The following CHCHD3 variants were observed in gnomAD, a reference collection of about 807,000 sequenced individuals.
CHCHD3 encodes MICOS complex subunit MIC19.
CHCHD3 carries 20 observed loss-of-function variants against 38.2 expected under a neutral mutation model. The observed-to-expected ratio is 0.52, with a 90% CI of 0.37 to 0.76. CHCHD3 has a LOEUF of 0.76. Among genes scored for constraint, CHCHD3 ranks in the 30% least tolerant of loss-of-function variants. CHCHD3 has a pLI of 0.00. For synonymous variants in CHCHD3, 82 were observed against 100.0 expected, an observed-to-expected ratio of 0.82 and a Z score of 1.07; for missense variants, 245 against 279.2, an observed-to-expected ratio of 0.88 and a Z score of 0.87.
intron 7 of CHCHD3, among the ~76,000 whole-genome samples, chr7:132,794,232 G>A (rs2117025936): frequency 6.6e-6 from 1 of 152,268 alleles, no homozygotes; most frequent in Non-Finnish European, 1.5e-5. Flanking sequence ...AGTGGATGAT[G>A]GATGGATGCC....
At chr7:133,005,738 G>T (rs1344633290) in intron 3 of CHCHD3, among the ~76,000 whole-genome samples, 3 of 152,102 alleles carry the variant, frequency 2.0e-5, no homozygotes, top group African/African-American at 7.2e-5. Flanking sequence ...TATATAGAGG[G>T]TATTGTTTTA....
intron 4 of CHCHD3, among the ~76,000 whole-genome samples, chr7:132,954,022 T>C (rs1222592371): frequency 6.6e-6 from 1 of 152,106 alleles, no homozygotes; most frequent in African/African-American, 2.4e-5. Flanking sequence ...TCTTGAAGAA[T>C]GAGATATTTA....
At chr7:132,844,553 C>T (rs6962763) in intron 5 of CHCHD3, among the ~76,000 whole-genome samples, 1 of 152,020 alleles carries the variant, frequency 6.6e-6, no homozygotes, top group East Asian at 1.9e-4. Flanking sequence ...GTGGCAGGTA[C>T]ATGTGATTTA....
In CHCHD3 at chr7:133,063,111, C is replaced by T. The variant is rs1814566027; in HGVS notation, c.169+7031G>A. ...GGAATACAAAACACATTGCTAATGA[C>T]AAGAAAGGAAGTTTTCTATGCCCTC... On this transcript the variant is annotated intron_variant, in intron 2 of 7. Transcript: ENST00000262570. Among the ~76,000 whole-genome samples, 3 of 152,136 alleles carry T rather than the reference C, an allele frequency of 2.0e-5. No homozygotes were observed. In the South Asian group the frequency reaches 6.2e-4, roughly 32 times the overall value.
chr7:132,852,091 C>T (rs1808233877), intron 5 of CHCHD3, among the ~76,000 whole-genome samples: 1 of 152,202 alleles, frequency 6.6e-6, no homozygotes. Flanking sequence ...CACTCTTTAG[C>T]CCTGCATTCA....
chr7:132,944,948 A>G (rs1482337710), intron 4 of CHCHD3, among the ~76,000 whole-genome samples: 2 of 151,954 alleles, frequency 1.3e-5, no homozygotes, highest in Non-Finnish European at 2.9e-5. Context: ...GAACTTCTTT[A>G]TTGACTTTAT....
intron 5 of CHCHD3, among the ~76,000 whole-genome samples, chr7:132,868,159 T>TA (rs1000035899): frequency 6.6e-6 from 1 of 152,144 alleles, no homozygotes; most frequent in Non-Finnish European, 1.5e-5. Flanking sequence ...TCCACAAATA[T>TA]AAAAAATAAT....
intron 4 of CHCHD3, among the ~76,000 whole-genome samples, chr7:132,933,217 A>C (rs1165375489): frequency 6.6e-6 from 1 of 152,208 alleles, no homozygotes; most frequent in East Asian, 1.9e-4. Flanking sequence ...TATTTGTTGC[A>C]ACACATTTTC....
At chr7:133,073,298 T>C (rs1814880810) in intron 1 of CHCHD3, among the ~76,000 whole-genome samples, 1 of 151,952 alleles carries the variant, frequency 6.6e-6, no homozygotes, top group Non-Finnish European at 1.5e-5. Context: ...GAAGGGCCCT[T>C]CTCATTCTAT....
intron 5 of CHCHD3, among the ~76,000 whole-genome samples, chr7:132,884,194 C>T (rs76639024): frequency 1.9e-3 from 286 of 152,208 alleles, no homozygotes; most frequent in African/African-American, 5.9e-3. Context: ...GCCAAGTTCA[C>T]GCCTGCTTCA....
Position 132,815,975 on chromosome 7 carries a change from C to T in CHCHD3, c.525-19398G>A, listed in dbSNP as rs117650007. 7.2e-5 allele frequency among the ~76,000 whole-genome samples: 11 copies of T among 152,180 alleles called. No homozygotes were observed. The South Asian group carries it at 1.2e-3, about 17-fold the overall frequency. On this transcript the variant is annotated intron_variant, in intron 6 of 7. Transcript: ENST00000262570. ...AATGAAATACTGCAGGGAGCCACCA[C>T]GATCAATTGGAGTTGGTGCCTGAAA...
At chr7:132,881,709 A>T (rs1293756365) in intron 5 of CHCHD3, among the ~76,000 whole-genome samples, 1 of 152,204 alleles carries the variant, frequency 6.6e-6, no homozygotes, top group Non-Finnish European at 1.5e-5. Context: ...TCTGCAAATT[A>T]TATTAATATT....
chr7:132,950,216 A>C lies in CHCHD3; in HGVS notation c.369+24953T>G, dbSNP rs529233327. ...TGAAAAACTAACTATTGGGTACTAC[A>C]TTCACTACCTGGGTGACGGGATCGA... On this transcript the variant is annotated intron_variant, in intron 4 of 7. Transcript: ENST00000262570. Among the ~76,000 whole-genome samples the C allele has an allele frequency of 2.6e-5, 4 of 152,278 alleles. No individual in the cohort carries two copies. In the South Asian group the frequency reaches 6.2e-4, roughly 24 times the overall value.
intron 4 of CHCHD3, among the ~76,000 whole-genome samples, chr7:132,968,023 C>T (rs894964139): frequency 3.3e-5 from 5 of 152,184 alleles, no homozygotes; most frequent in Admixed American, 2.6e-4. Flanking sequence ...AAACAAAACA[C>T]GTTTCTCCTT....
chr7:133,069,800 T>C (rs1213716927), intron 2 of CHCHD3, among the ~76,000 whole-genome samples: 1 of 152,210 alleles, frequency 6.6e-6, no homozygotes, highest in Non-Finnish European at 1.5e-5. Flanking sequence ...AAATCAATAT[T>C]TTCTAAGTTC....
intron 2 of CHCHD3, among the ~76,000 whole-genome samples, chr7:133,056,728 T>A (rs17422732): frequency 0.27 from 41,075 of 152,028 alleles, 5,872 homozygotes; most frequent in Middle Eastern, 0.35. Context: ...TGCTTCTGTG[T>A]TAAAGAAGAA....
chr7:132,813,940 C>T (rs1160834692), intron 6 of CHCHD3, among the ~76,000 whole-genome samples: 1 of 152,144 alleles, frequency 6.6e-6, no homozygotes, highest in Non-Finnish European at 1.5e-5. Flanking sequence ...GAGCAACAGT[C>T]CACCCTATGA....
chr7:132,948,250 AC>A (rs1810945308), intron 4 of CHCHD3, among the ~76,000 whole-genome samples: 1 of 152,058 alleles, frequency 6.6e-6, no homozygotes, highest in African/African-American at 2.4e-5. Flanking sequence ...CTTGACTCTG[AC>A]TGCTGGCTGT....
chr7:132,891,287 A>G (rs28758870), intron 4 of CHCHD3, among the ~76,000 whole-genome samples: 3,133 of 152,324 alleles, frequency 0.021, 58 homozygotes, highest in East Asian at 0.11. Flanking sequence ...TCAGTAGGGT[A>G]ACTCACCTAG....
Sources: gnomAD v4.1 joint callset for allele counts (sites outside exome capture counted in the v4.1 genomes callset) on GRCh38, gnomAD v4.1.1 for gene constraint, MANE v1.5 for transcripts, NCBI Gene and HGNC (gene_info 2026-07-23, HGNC 2026-07-21) for gene names.